Variants in RSPO3 observed in about 807,000 individuals in gnomAD.
The protein encoded by RSPO3 is R-spondin 3, also known as R-spondin-3.
RSPO3 carries 17 observed loss-of-function variants against 36.5 expected under a neutral mutation model. The observed-to-expected ratio is 0.47, with a 90% confidence interval of 0.32 to 0.70. The LOEUF (loss-of-function observed/expected upper bound fraction) is 0.70, where lower values mean the gene tolerates loss of function less well. RSPO3 is among the 30% of genes least tolerant of loss of function. The probability of loss-of-function intolerance (pLI) is 0.04; values close to 1 mark genes in which losing one functional copy is unlikely to be tolerated. For missense variants in RSPO3, 294 were observed against 322.5 expected, an observed-to-expected ratio of 0.91 and a Z score of 0.68; for synonymous variants, 108 against 107.0, an observed-to-expected ratio of 1.01 and a Z score of -0.06.
At chr6:127,131,275 T>C (rs1300627777) in intron 1 of RSPO3, among the ~76,000 whole-genome samples, 3 of 151,806 alleles carry the variant, frequency 2.0e-5, no homozygotes, top group African/African-American at 7.3e-5. Context: ...TAAGGGAGAG[T>C]TGCAGCAAGA....
At chr6:127,133,395 T>C (rs1774093940) in intron 1 of RSPO3, among the ~76,000 whole-genome samples, 1 of 152,102 alleles carries the variant, frequency 6.6e-6, no homozygotes. Context: ...GTGAGAAAAA[T>C]CCCACCTTAG....
intron 4 of RSPO3, among the ~76,000 whole-genome samples, chr6:127,184,379 G>C (rs571842606): frequency 2.6e-5 from 4 of 151,774 alleles, no homozygotes; most frequent in Admixed American, 2.0e-4. Flanking sequence ...TTGCAAAAAG[G>C]CCTAGAAATA....
rs1021447287 is a variant in RSPO3, at chr6:127,198,026, T to G, written c.*2019T>G. ...CAAGTATAAGTAGCCAAATTATTTT[T>G]GCACATCTTTCTGTTTCTCATGTCT... On this transcript the variant is annotated 3_prime_UTR_variant, in exon 5 of 5. Coordinates refer to ENST00000356698, the MANE Select transcript of RSPO3 (RefSeq NM_032784.5). Among the ~76,000 whole-genome samples, 1 of 152,246 alleles carries G rather than the reference T, an allele frequency of 6.6e-6. No homozygotes were observed. Among genetic ancestry groups the G allele is most frequent in the Non-Finnish European group, 1.5e-5 (1 of 68,044 alleles).
intron 4 of RSPO3, among the ~76,000 whole-genome samples, chr6:127,188,740 T>C (rs1775348130): frequency 6.6e-6 from 1 of 152,074 alleles, no homozygotes; most frequent in South Asian, 2.1e-4. Context: ...TGCTATTAAG[T>C]TCTGAGTTAA....
intron 4 of RSPO3, among the ~76,000 whole-genome samples, chr6:127,184,252 A>T (rs961307137): frequency 1.3e-5 from 2 of 152,038 alleles, no homozygotes; most frequent in African/African-American, 4.8e-5. Flanking sequence ...GGTAAATAAA[A>T]ATTAAGGTTG....
At chr6:127,188,731 G>A (rs1775347948) in intron 4 of RSPO3, among the ~76,000 whole-genome samples, 1 of 152,072 alleles carries the variant, frequency 6.6e-6, no homozygotes, top group African/African-American at 2.4e-5. Flanking sequence ...TATTCCAAAT[G>A]CTATTAAGTT....
chr6:127,154,752 A>C (rs1774559548), intron 3 of RSPO3, among the ~76,000 whole-genome samples: 1 of 152,132 alleles, frequency 6.6e-6, no homozygotes, highest in Non-Finnish European at 1.5e-5. Flanking sequence ...GCCCTGCCCC[A>C]GATAACTGAA....
chr6:127,139,380 A>G (rs1774224146), intron 1 of RSPO3, among the ~76,000 whole-genome samples: 1 of 152,174 alleles, frequency 6.6e-6, no homozygotes, highest in African/African-American at 2.4e-5. Flanking sequence ...GTTTATTCAC[A>G]ATATAACAAA....
At chr6:127,142,064 T>C (rs1232899827) in intron 1 of RSPO3, among the ~76,000 whole-genome samples, 1 of 152,208 alleles carries the variant, frequency 6.6e-6, no homozygotes, top group African/African-American at 2.4e-5. Flanking sequence ...GGTCTGTATA[T>C]ATTTGGACAT....
rs1313410031 is a variant in RSPO3 at position 127,131,817 on chromosome 6, A to G, written c.97+12528A>G. Among the ~76,000 whole-genome samples the G allele has an allele frequency of 2.6e-5, 4 of 152,098 alleles. 1 individual carries two copies. Among genetic ancestry groups the G allele is most frequent in the South Asian group, 4.1e-4 (2 of 4,826 alleles). On this transcript the variant is annotated intron_variant, in intron 1 of 4. Coordinates refer to ENST00000356698, the MANE Select transcript of RSPO3 (RefSeq NM_032784.5). ...AGCACCTTGAGAACCATTGCACTGA[A>G]TAAGTTTGGTGTGTCTCTTCACACA...
intron 1 of RSPO3, among the ~76,000 whole-genome samples, chr6:127,127,572 C>T (rs1773962739): frequency 6.6e-6 from 1 of 151,978 alleles, no homozygotes; most frequent in Admixed American, 6.6e-5. Context: ...GATGCTTTTG[C>T]AAAAATTATC....
chr6:127,196,083 T>TTGTGGTCCTA lies in RSPO3; in HGVS notation c.*76_*77insTGTGGTCCTA. On this transcript the variant is annotated 3_prime_UTR_variant, in exon 5 of 5. Transcript: ENST00000356698. ...TGCCCAGGACAGGTGCTCTAGCCAT[T>TTGTGGTCCTA]AGGACCACAAATGGACATGTCAGTT... The TTGTGGTCCTA allele has an allele frequency of 8.0e-7, 1 of 1,248,520 alleles. No homozygotes were observed. Among genetic ancestry groups the TTGTGGTCCTA allele is most frequent in the Non-Finnish European group, 1.1e-6 (1 of 916,892 alleles). 77.3% of individuals were successfully genotyped at this position (1,248,520 alleles called of 1,614,324 possible).
At chr6:127,164,247 T>C (rs1381014961) in intron 4 of RSPO3, among the ~76,000 whole-genome samples, 1 of 152,070 alleles carries the variant, frequency 6.6e-6, no homozygotes, top group Non-Finnish European at 1.5e-5. Context: ...CAGGGTCAAG[T>C]GAGCCATTTT....
At chr6:127,178,416 T>G (rs923267079) in intron 4 of RSPO3, among the ~76,000 whole-genome samples, 1 of 151,754 alleles carries the variant, frequency 6.6e-6, no homozygotes, top group African/African-American at 2.4e-5. Flanking sequence ...TCAAAGATTC[T>G]CCTAAAATGA....
intron 4 of RSPO3, among the ~76,000 whole-genome samples, chr6:127,189,981 A>G (rs1450101276): frequency 6.6e-6 from 1 of 152,176 alleles, no homozygotes; most frequent in South Asian, 2.1e-4. Context: ...TTTTATTAAA[A>G]CAAACAAAAG....
intron 3 of RSPO3, among the ~76,000 whole-genome samples, chr6:127,153,807 GC>G (rs1367618843): frequency 6.6e-6 from 1 of 151,916 alleles, no homozygotes; most frequent in Non-Finnish European, 1.5e-5. Flanking sequence ...TTTTGGAGGT[GC>G]CTTTTTTTGT....
At position 127,197,559 on chromosome 6, in the gene RSPO3, G is replaced by T. The variant is rs1448724185; in HGVS notation, c.*1552G>T. ...CCACCTTAACCTTCCTGTTGTCATG[G>T]AAGGATGCACGGCTGCTCTGTCCAC... On this transcript the variant is annotated 3_prime_UTR_variant, in exon 5 of 5. Transcript: ENST00000356698. The T allele has an allele frequency of 1.3e-6, 2 of 1,548,116 alleles. No individual in the cohort carries two copies.
At chr6:127,179,490 T>C (rs1384508782) in intron 4 of RSPO3, among the ~76,000 whole-genome samples, 1 of 151,920 alleles carries the variant, frequency 6.6e-6, no homozygotes, top group Non-Finnish European at 1.5e-5. Flanking sequence ...CGATCTCATT[T>C]AGTTTACTCT....
chr6:127,142,642 T>C (rs1234481118), intron 1 of RSPO3, among the ~76,000 whole-genome samples: 1 of 152,206 alleles, frequency 6.6e-6, no homozygotes, highest in Non-Finnish European at 1.5e-5. Context: ...GAATGATTGA[T>C]TTCATAATTA....
Sources: gnomAD v4.1 joint callset for allele counts (sites outside exome capture counted in the v4.1 genomes callset) on GRCh38, gnomAD v4.1.1 for gene constraint, MANE v1.5 for transcripts, NCBI Gene and HGNC (gene_info 2026-07-23, HGNC 2026-07-21) for gene names.